Variants in PRDM10 observed in about 807,000 individuals in gnomAD.
PRDM10 encodes the protein PR/SET domain 10, also known as PR domain zinc finger protein 10.
In PRDM10, 65 loss-of-function variants were observed where a neutral mutation model predicts 133.1. The ratio of observed to expected loss-of-function variants is 0.49; its 90% CI spans 0.40 to 0.60. The LOEUF is 0.60. PRDM10 is among the 20% of genes least tolerant of loss of function. PRDM10 has a pLI of 0.00. For synonymous variants in PRDM10, 582 were observed against 580.4 expected, an observed-to-expected ratio of 1.00 and a Z score of -0.04; for missense variants, 1,137 against 1,507.1, an observed-to-expected ratio of 0.75 and a Z score of 4.07.
intron 9 of PRDM10, among the ~76,000 whole-genome samples, chr11:129,933,879 T>C (rs1565475223): frequency 6.6e-6 from 1 of 152,132 alleles, no homozygotes. Context: ...GCCAATCCCA[T>C]GCACTGCCCA....
intron 13 of PRDM10, among the ~76,000 whole-genome samples, chr11:129,921,154 G>A (rs1024242707): frequency 6.6e-6 from 1 of 152,164 alleles, no homozygotes; most frequent in African/African-American, 2.4e-5. Flanking sequence ...GTCCCACCTT[G>A]ACTTCAATGC....
intron 15 of PRDM10, 110 bp from the exon 16 acceptor site, chr11:129,915,970 C>A: frequency 9.9e-7 from 1 of 1,007,452 alleles, no homozygotes; most frequent in Non-Finnish European, 1.4e-6. Flanking sequence ...TCATGTAGCC[C>A]CAAATAAAAT....
Position 129,910,535 on chromosome 11 carries a change from T to C in PRDM10, c.3104A>G (p.Gln1035Arg). The change falls in exon 19 of 21, where the codon CAG (glutamine) becomes CGG (arginine). Residue 1035 changes from glutamine (Q) to arginine (R), a missense_variant. By Grantham distance (43) the Gln-to-Arg change is conservative. This residue lies in a region of PRDM10 where 243 missense variants were observed against 259.2 expected (regional missense o/e 0.94). Transcript: ENST00000360871. ...GTACGTGTGCTGCACAGAGGAATTCTGCTGCTGCTGCTGCTGCTGCTGCAG... is the reference window on the plus strand; with the variant it reads ...GTACGTGTGCTGCACAGAGGAATTCCGCTGCTGCTGCTGCTGCTGCTGCAG... ...QALQQQQQQQ[Q>R]NSSVQHTYLP... 1.3e-6 allele frequency: 2 copies of C among 1,531,296 alleles called. No homozygotes were observed. The highest frequency in any genetic ancestry group is 1.8e-5 in the Admixed American group (1 of 55,052). The allele number at this position is 1,531,296 out of a possible 1,614,324, so 94.9% of individuals were successfully genotyped here.
At chr11:129,943,684 A>G (rs1591640431) in intron 6 of PRDM10, among the ~76,000 whole-genome samples, 1 of 152,096 alleles carries the variant, frequency 6.6e-6, no homozygotes, top group East Asian at 1.9e-4. Context: ...ACATGGCAAG[A>G]CCCTGTATCC....
At chr11:129,932,671 CA>C (rs763247132) in intron 9 of PRDM10, among the ~76,000 whole-genome samples, 3 of 152,222 alleles carry the variant, frequency 2.0e-5, no homozygotes, top group Admixed American at 6.5e-5. Context: ...TGTTTTACTA[CA>C]AGCTTCTGGA....
At chr11:129,976,815 T>A (rs1233097258) in intron 1 of PRDM10, among the ~76,000 whole-genome samples, 3 of 152,246 alleles carry the variant, frequency 2.0e-5, no homozygotes, top group African/African-American at 7.2e-5. Flanking sequence ...GAATTAGTGA[T>A]GAACAAATAA....
In PRDM10 at chr11:129,915,822, C is replaced by G; in HGVS notation, c.2364G>C (p.Leu788=). 2 of 1,614,188 alleles carry G rather than the reference C, an allele frequency of 1.2e-6. No individual in the cohort carries two copies. The highest frequency in any genetic ancestry group is 2.2e-5 in the South Asian group (2 of 91,070). The change falls in exon 16 of 21, where the codon CTG becomes CTC. Residue 788 remains leucine (L), a synonymous_variant. Coordinates refer to ENST00000360871, the MANE Select transcript of PRDM10 (RefSeq NM_199437.2). ...GGAGCTCTGCTCCTGGGTGGTTCTT[C>G]AGAATGTGGGCTTTGCGCTTGCTGG... ...KSASKRKAHI[L]KNHPGAELPP...
chr11:129,916,063 T>A (rs1311730102), intron 15 of PRDM10, among the ~76,000 whole-genome samples: 2 of 152,214 alleles, frequency 1.3e-5, no homozygotes, highest in African/African-American at 4.8e-5. Context: ...AATGTAGATA[T>A]GATAGGTTTC....
chr11:129,928,448 G>GGC (rs1257893933), intron 11 of PRDM10, among the ~76,000 whole-genome samples: 2 of 152,238 alleles, frequency 1.3e-5, no homozygotes, highest in East Asian at 3.9e-4. Context: ...GGAGTGCAGT[G>GGC]GCACAATCAC....
In PRDM10 at chr11:129,931,268, G is replaced by C. The variant is rs1048590032; in HGVS notation, c.1288-10C>G. On this transcript the variant is annotated splice_polypyrimidine_tract_variant and intron_variant, in intron 10 of 20. Transcript: ENST00000360871. The stretch of plus-strand genomic sequence containing the variant: ...GAAAATGTAGCAAGTCCTGAAATTT[G>C]CAATAACCAGGAATAGAGATCAGTG... 1 of 1,612,504 alleles carries C rather than the reference G, an allele frequency of 6.2e-7. No homozygotes were observed. The highest frequency in any genetic ancestry group is 8.5e-7 in the Non-Finnish European group (1 of 1,178,956).
At chr11:129,943,330 G>A (rs904276121) in intron 6 of PRDM10, among the ~76,000 whole-genome samples, 3 of 152,178 alleles carry the variant, frequency 2.0e-5, no homozygotes, top group Non-Finnish European at 4.4e-5. Flanking sequence ...CTGGCACACA[G>A]CAGATTACAT....
Position 129,931,216 on chromosome 11 carries a change from C to G in PRDM10, c.1330G>C (p.Glu444Gln), listed in dbSNP as rs752030937. 6.2e-7 allele frequency: 1 copy of G among 1,613,706 alleles called. No individual in the cohort carries two copies. The highest frequency in any genetic ancestry group is 2.2e-5 in the East Asian group (1 of 44,872). ...TCCAGCCCATTCAGAGTGGCTGGTTCAGCCTCATCAAATTGCTCCTTTGTG... is the reference window on the plus strand; with the variant it reads ...TCCAGCCCATTCAGAGTGGCTGGTTGAGCCTCATCAAATTGCTCCTTTGTG... ...FPTKEQFDEA[E>Q]PATLNGLDQP... Residue 444 changes from glutamate (E) to glutamine (Q), a missense_variant, in exon 11 of 21, where the codon GAA (glutamate) becomes CAA (glutamine). This residue lies in a region of PRDM10 where 635 missense variants were observed against 835.2 expected (regional missense o/e 0.76). Transcript: ENST00000360871.
At chr11:129,904,281 A>G (rs922475958) in intron 20 of PRDM10, among the ~76,000 whole-genome samples, 1 of 151,964 alleles carries the variant, frequency 6.6e-6, no homozygotes, top group African/African-American at 2.4e-5. Flanking sequence ...CTAGCCATTG[A>G]AGAGCATTTT....
At chr11:129,972,162 G>A (rs368549333) in intron 1 of PRDM10, among the ~76,000 whole-genome samples, 2 of 152,166 alleles carry the variant, frequency 1.3e-5, no homozygotes, top group East Asian at 1.9e-4. Context: ...CAGCTGGCCC[G>A]CAAGCGCCGC....
intron 1 of PRDM10, among the ~76,000 whole-genome samples, chr11:129,962,619 T>C (rs947628122): frequency 3.9e-5 from 6 of 152,228 alleles, no homozygotes; most frequent in Non-Finnish European, 8.8e-5. Flanking sequence ...ATCTTGCATC[T>C]GAATTGAGGT....
At chr11:129,975,930 G>A (rs897921683) in intron 1 of PRDM10, among the ~76,000 whole-genome samples, 2 of 152,210 alleles carry the variant, frequency 1.3e-5, no homozygotes, top group Non-Finnish European at 2.9e-5. Context: ...TCCTAAGCTG[G>A]TGTATTTAGT....
intron 1 of PRDM10, among the ~76,000 whole-genome samples, chr11:129,970,438 A>T (rs571359023): frequency 6.6e-6 from 1 of 151,076 alleles, no homozygotes; most frequent in Non-Finnish European, 1.5e-5. Flanking sequence ...ATGCTCAGCC[A>T]CAAATCTACA....
chr11:129,976,659 A>G (rs959833812), intron 1 of PRDM10, among the ~76,000 whole-genome samples: 48 of 152,288 alleles, frequency 3.2e-4, no homozygotes, highest in African/African-American at 1.2e-3. Flanking sequence ...GAAAATAAAG[A>G]GCTTCTATTA....
chr11:129,976,610 C>A (rs963615550), intron 1 of PRDM10, among the ~76,000 whole-genome samples: 1 of 152,166 alleles, frequency 6.6e-6, no homozygotes, highest in Non-Finnish European at 1.5e-5. Context: ...AGAGATGTCA[C>A]ATTAAATCAC....
Sources: gnomAD v4.1 joint callset for allele counts (sites outside exome capture counted in the v4.1 genomes callset) on GRCh38, gnomAD v4.1.1 for gene constraint, gnomAD v4.1.1 regional missense constraint, MANE v1.5 for transcripts, NCBI Gene and HGNC (gene_info 2026-07-23, HGNC 2026-07-21) for gene names.